DGKB: variants seen among roughly 807,000 people sequenced by gnomAD.
DGKB encodes 90 kDa diacylglycerol kinase.
Under a neutral mutation model 114.3 loss-of-function variants are expected in DGKB, and 67 were observed. The ratio of observed to expected loss-of-function variants is 0.59; its 90% confidence interval spans 0.48 to 0.72. The LOEUF is 0.72. Among genes scored for constraint, DGKB ranks in the 30% least tolerant of loss-of-function variants. DGKB has a pLI of 0.00. For missense variants in DGKB, 907 were observed against 975.2 expected (o/e 0.93, Z 0.93); for synonymous variants, 398 against 323.1 (o/e 1.23, Z -2.49).
chr7:14,680,675 C>G (rs1332994691), intron 12 of DGKB, among the ~76,000 whole-genome samples: 1 of 151,946 alleles, frequency 6.6e-6, no homozygotes, highest in Non-Finnish European at 1.5e-5. Context: ...TAAGAGACCA[C>G]TAGCAATGGT....
chr7:14,942,297 G>T (rs889378462), intron 1 of DGKB, among the ~76,000 whole-genome samples: 2 of 151,814 alleles, frequency 1.3e-5, no homozygotes, highest in South Asian at 2.1e-4. Flanking sequence ...GGCGAGAAAG[G>T]CATGCATTAT....
chr7:14,937,928 G>A (rs551390078), intron 1 of DGKB, among the ~76,000 whole-genome samples: 8 of 152,034 alleles, frequency 5.3e-5, no homozygotes, highest in East Asian at 3.9e-4. Context: ...TTACTTTGTC[G>A]TAAATGCAGT....
intron 23 of DGKB, among the ~76,000 whole-genome samples, chr7:14,257,908 A>G (rs1299333764): frequency 6.6e-6 from 1 of 151,856 alleles, no homozygotes; most frequent in African/African-American, 2.4e-5. Context: ...TGTATTTTTT[A>G]ACAGAGATGG....
At chr7:14,359,356 A>G (rs1179825371) in intron 21 of DGKB, among the ~76,000 whole-genome samples, 1 of 152,202 alleles carries the variant, frequency 6.6e-6, no homozygotes, top group African/African-American at 2.4e-5. Context: ...ACCTGAAACC[A>G]TAAAAACCCT....
intron 20 of DGKB, among the ~76,000 whole-genome samples, chr7:14,513,986 T>G (rs1399797898): frequency 1.3e-5 from 2 of 152,030 alleles, no homozygotes; most frequent in African/African-American, 4.8e-5. Flanking sequence ...GCAATCTGAT[T>G]CTTTTTTAAC....
intron 20 of DGKB, among the ~76,000 whole-genome samples, chr7:14,489,856 C>T (rs565925295): frequency 1.3e-5 from 2 of 152,156 alleles, no homozygotes; most frequent in Admixed American, 6.5e-5. Flanking sequence ...GAGAATAGAT[C>T]TCAAAGGCGC....
chr7:14,289,951 T>C (rs1033103674), intron 23 of DGKB, among the ~76,000 whole-genome samples: 1 of 152,196 alleles, frequency 6.6e-6, no homozygotes, highest in Admixed American at 6.5e-5. Flanking sequence ...GTGGTTAACC[T>C]GAACTACAAA....
At chr7:14,258,877 T>G (rs1158733195) in intron 23 of DGKB, among the ~76,000 whole-genome samples, 1 of 152,186 alleles carries the variant, frequency 6.6e-6, no homozygotes, top group Non-Finnish European at 1.5e-5. Context: ...TAATTCTTCC[T>G]AGGAAAATCT....
intron 19 of DGKB, among the ~76,000 whole-genome samples, chr7:14,579,464 C>T (rs1799616518): frequency 6.6e-6 from 1 of 152,162 alleles, no homozygotes; most frequent in Non-Finnish European, 1.5e-5. Context: ...TTTTCATATA[C>T]ATCAAATATA....
At position 14,188,653 on chromosome 7, in the gene DGKB, C is replaced by T. The variant is rs1226062648; in HGVS notation, c.2123-10502G>A. The stretch of plus-strand genomic sequence containing the variant: ...CCAGCCTGGGCGACAAAGCGAGACT[C>T]CGTCTCAAAAAAAAAAAAAAAAAAA... On this transcript the variant is annotated intron_variant, in intron 23 of 25. Coordinates refer to ENST00000402815, the MANE Select transcript of DGKB (RefSeq NM_001350709.2). Among the ~76,000 whole-genome samples the T allele has an allele frequency of 5.2e-4, 48 of 93,170 alleles. 4 individuals carry two copies. In the Admixed American group the frequency reaches 6.3e-3, roughly 12 times the overall value. 61.1% of individuals were successfully genotyped at this position (93,170 alleles called of 152,430 possible). A position where few individuals can be genotyped will look rare whatever the true frequency, so the allele number is the denominator to read the frequency against.
chr7:14,161,666 G>T (rs932115328), intron 25 of DGKB, among the ~76,000 whole-genome samples: 1 of 151,888 alleles, frequency 6.6e-6, no homozygotes, highest in East Asian at 1.9e-4. Flanking sequence ...GGGCCTGTTG[G>T]GGGGTGGGGG....
chr7:14,288,910 G>A (rs569948546), intron 23 of DGKB, among the ~76,000 whole-genome samples: 105 of 152,304 alleles, frequency 6.9e-4, no homozygotes, highest in Non-Finnish European at 1.0e-3. Flanking sequence ...TTGAGTGGAA[G>A]GCTTGTGATA....
At chr7:14,274,669 AATTTGGTATCTGGT>A (rs1163891803) in intron 23 of DGKB, among the ~76,000 whole-genome samples, 1 of 152,212 alleles carries the variant, frequency 6.6e-6, no homozygotes, top group Non-Finnish European at 1.5e-5. Context: ...GGTGACAGTG[AATTTGGTATCTGGT>A]ATTTGGTATC....
chr7:14,204,546 G>A (rs1584433953), intron 23 of DGKB, among the ~76,000 whole-genome samples: 1 of 152,024 alleles, frequency 6.6e-6, no homozygotes, highest in Non-Finnish European at 1.5e-5. Flanking sequence ...TACAACGGCT[G>A]AGAAAACATA....
chr7:14,823,928 T>C (rs1204521602), intron 2 of DGKB, among the ~76,000 whole-genome samples: 1 of 152,180 alleles, frequency 6.6e-6, no homozygotes, highest in Non-Finnish European at 1.5e-5. Flanking sequence ...TACCTGAGAC[T>C]GGATCATTTA....
intron 2 of DGKB, among the ~76,000 whole-genome samples, chr7:14,769,944 G>A (rs1051905452): frequency 6.6e-6 from 1 of 152,072 alleles, no homozygotes; most frequent in Non-Finnish European, 1.5e-5. Flanking sequence ...CACATCAAAT[G>A]TAATTACAAA....
chr7:14,386,944 G>A (rs945817807), intron 21 of DGKB, among the ~76,000 whole-genome samples: 3 of 151,474 alleles, frequency 2.0e-5, no homozygotes, highest in Admixed American at 1.3e-4. Flanking sequence ...CTATTTTAAT[G>A]ACTATTAAAA....
At chr7:14,819,013 G>T (rs1844542684) in intron 2 of DGKB, among the ~76,000 whole-genome samples, 1 of 152,028 alleles carries the variant, frequency 6.6e-6, no homozygotes, top group Non-Finnish European at 1.5e-5. Context: ...AAATCTTTAG[G>T]CTATTTGCTC....
chr7:14,757,513 C>T (rs1378398132), intron 3 of DGKB, 142 bp downstream of exon 3: 15 of 530,522 alleles, frequency 2.8e-5, no homozygotes, highest in Non-Finnish European at 4.8e-5. Context: ...CATATACATA[C>T]ATCTGTATCA....
Sources: gnomAD v4.1 joint callset for allele counts (sites outside exome capture counted in the v4.1 genomes callset) on GRCh38, gnomAD v4.1.1 for gene constraint, MANE v1.5 for transcripts, NCBI Gene and HGNC (gene_info 2026-07-23, HGNC 2026-07-21) for gene names.